Variants in ZNF16 observed in about 807,000 individuals in gnomAD.
ZNF16 encodes the protein zinc finger protein KOX9.
Under a neutral mutation model 9.0 loss-of-function variants are expected in ZNF16, and 7 were observed. That is an observed-to-expected ratio of 0.78 (90% CI 0.44 to 1.47). The LOEUF (loss-of-function observed/expected upper bound fraction) is 1.47, where lower values mean the gene tolerates loss of function less well. ZNF16 is among the 40% of genes most tolerant of loss of function. The probability of loss-of-function intolerance (pLI) is 0.01; values close to 1 mark genes in which losing one functional copy is unlikely to be tolerated. For missense variants in ZNF16, 830 were observed against 854.2 expected, an observed-to-expected ratio of 0.97 and a Z score of 0.35; for synonymous variants, 312 against 301.5, an observed-to-expected ratio of 1.03 and a Z score of -0.36.
At chr8:144,945,056 T>C (rs1389422889) in intron 2 of ZNF16, 2 of 152,164 alleles carry the variant, frequency 1.3e-5, no homozygotes, top group South Asian at 2.1e-4. Flanking sequence ...TAACAGGTCT[T>C]TTCTGAGCAC....
At chr8:144,941,975 GA>G (rs1325112405) in intron 2 of ZNF16, among the ~76,000 whole-genome samples, 6 of 120,854 alleles carry the variant, frequency 5.0e-5, no homozygotes, top group African/African-American at 1.4e-4. Flanking sequence ...CCATTTTTAA[GA>G]TTTTTTTTTT....
intron 2 of ZNF16, chr8:144,944,355 C>A (rs572101683): frequency 6.6e-6 from 1 of 152,208 alleles, no homozygotes; most frequent in Non-Finnish European, 1.5e-5. Flanking sequence ...CAGGCATGAG[C>A]CACCGTGGTG....
In ZNF16 at chr8:144,930,974, C is replaced by A; in HGVS notation, c.1813G>T (p.Glu605Ter). ...CTCTGGCTGAAGCCCTTACCACATT[C>A]AACACAGGTGTAGGGTTTTTCCCCA... Reference protein sequence around the residue: ...HTGEKPYTCVECGKGFSQSSH... With the variant: ...HTGEKPYTCV Residue 605 changes from glutamate to a stop codon, truncating the protein, a stop_gained, in exon 3 of 3, where the codon GAA becomes TAA. Transcript: ENST00000394909. LOFTEE classifies it high-confidence loss of function. The A allele has an allele frequency of 1.9e-6, 3 of 1,614,146 alleles. No homozygotes were observed. The highest frequency in any genetic ancestry group is 2.2e-5 in the South Asian group (2 of 91,080).
chr8:144,949,561 A>G (rs1055379449), intron 1 of ZNF16, among the ~76,000 whole-genome samples: 5 of 152,334 alleles, frequency 3.3e-5, no homozygotes, highest in South Asian at 2.1e-4. Flanking sequence ...GATGCTGTTA[A>G]TTTGTAACTT....
At chr8:144,942,131 C>T (rs929141243) in intron 2 of ZNF16, among the ~76,000 whole-genome samples, 5 of 150,724 alleles carry the variant, frequency 3.3e-5, no homozygotes, top group Non-Finnish European at 7.4e-5. Flanking sequence ...GTGCCCACCA[C>T]CTTGCCTGGC....
chr8:144,932,734 T>A lies in ZNF16; in HGVS notation c.197-144A>T. ...GGGTGGCAGTCCAGATCAGAGGGCA[T>A]CAGGGAGGGGTGGGAGGAGCACTGG... is the stretch of plus-strand genomic sequence containing the variant. On this transcript the variant is annotated intron_variant, in intron 2 of 2. Transcript: ENST00000394909. The surrounding 1 kb of genome is among the most constrained non-coding windows in gnomAD (Gnocchi z 5.0). 3 of 773,538 alleles carry A rather than the reference T, an allele frequency of 3.9e-6. No individual in the cohort carries two copies. Among genetic ancestry groups the A allele is most frequent in the Non-Finnish European group, 6.2e-6 (3 of 487,092 alleles). 47.9% of individuals were successfully genotyped at this position (773,538 alleles called of 1,614,324 possible). A position where few individuals can be genotyped will look rare whatever the true frequency, so the allele number is the denominator to read the frequency against.
rs762959497 is a variant in ZNF16 at position 144,932,086 on chromosome 8, T to C, written c.701A>G (p.Glu234Gly). The change falls in exon 3 of 3, where the codon GAG becomes GGG. Residue 234 changes from glutamate to glycine, a missense_variant. Transcript: ENST00000394909. The surrounding 1 kb of genome is among the most constrained non-coding windows in gnomAD (Gnocchi z 5.0). ...ACAATCATCACACATAAAGGAAGCC[T>C]CCCCAGTGTGGACTATTTGACGCTG... The part of the protein sequence containing the change: ...LIQRQIVHTG[E>G]ASFMCDDCGK... The C allele has an allele frequency of 5.6e-6, 9 of 1,614,124 alleles. No individual in the cohort carries two copies. In the East Asian group the frequency reaches 2.0e-4, roughly 36 times the overall value.
At chr8:144,945,839 C>A in intron 2 of ZNF16, 172 bp downstream of exon 2, 1 of 1,312,816 alleles carries the variant, frequency 7.6e-7, no homozygotes, top group Non-Finnish European at 1.0e-6. Flanking sequence ...GTGCCAGGGG[C>A]CAGGCTAGGT....
intron 2 of ZNF16, chr8:144,944,916 A>G (rs1350715326): frequency 6.6e-6 from 1 of 152,210 alleles, no homozygotes; most frequent in Non-Finnish European, 1.5e-5. Context: ...AACACAAAAC[A>G]CTTCTCCCAG....
intron 2 of ZNF16, among the ~76,000 whole-genome samples, chr8:144,942,635 C>T (rs566241237): frequency 2.6e-5 from 4 of 152,248 alleles, no homozygotes; most frequent in Admixed American, 1.3e-4. Context: ...TTGCAATGAA[C>T]GTTCTAACAT....
chr8:144,936,514 G>A (rs974481288), intron 2 of ZNF16, among the ~76,000 whole-genome samples: 1 of 152,168 alleles, frequency 6.6e-6, no homozygotes, highest in East Asian at 1.9e-4. Flanking sequence ...AGCCAGCGAT[G>A]TATGAGGATA....
In ZNF16 at chr8:144,932,552, T is replaced by C. The variant is rs770150011; in HGVS notation, c.235A>G (p.Lys79Glu). The C allele has an allele frequency of 6.2e-7, 1 of 1,614,066 alleles. No individual in the cohort carries two copies. The highest frequency in any genetic ancestry group is 1.7e-5 in the Admixed American group (1 of 60,002). The change falls in exon 3 of 3, where the codon AAG becomes GAG. Residue 79 changes from lysine (K) to glutamate (E), a missense_variant. Lys to Glu is a moderately conservative substitution (Grantham distance 56). Transcript: ENST00000394909. This position sits in a 1 kb window ranked among gnomAD's most constrained non-coding sequence, Gnocchi z 5.0. ...TRTEDKEFLH[K>E]EDIHEDLESQ... Reference sequence around the variant, plus strand: ...TCCAAATCTTCATGAATGTCTTCCTTGTGAAGAAACTCCTTGTCTTCAGTC... The same window carrying C: ...TCCAAATCTTCATGAATGTCTTCCTCGTGAAGAAACTCCTTGTCTTCAGTC...
intron 2 of ZNF16, among the ~76,000 whole-genome samples, chr8:144,937,137 CTCTCTCT>C (rs1440371350): frequency 8.8e-5 from 10 of 113,024 alleles, no homozygotes; most frequent in African/African-American, 1.3e-4. Flanking sequence ...CACTTTCTTT[CTCTCTCT>C]TTTTTTTTTT....
intron 1 of ZNF16, chr8:144,948,323 G>T (rs1259752169): frequency 6.6e-6 from 1 of 152,216 alleles, no homozygotes; most frequent in African/African-American, 2.4e-5. Flanking sequence ...CAGAGGAATG[G>T]TGGGAGATGA....
At position 144,946,254 on chromosome 8, in the gene ZNF16, G is replaced by C. The variant is rs552692565; in HGVS notation, c.-9-39C>G. 22 of 1,450,492 alleles carry C rather than the reference G, an allele frequency of 1.5e-5. No individual in the cohort carries two copies. In the African/African-American group the frequency reaches 3.0e-4, roughly 20 times the overall value. The allele number at this position is 1,450,492 out of a possible 1,614,324, so 89.9% of individuals were successfully genotyped here. A position where few individuals can be genotyped will look rare whatever the true frequency, so the allele number is the denominator to read the frequency against. On this transcript the variant is annotated intron_variant, in intron 1 of 2. Coordinates refer to ENST00000394909, the MANE Select transcript of ZNF16 (RefSeq NM_006958.3). The stretch of plus-strand genomic sequence containing the variant: ...AGAACACAGGTGAGTCTACAGACAG[G>C]CTAGCTCTAGGGATTCATCCTCCCA...
rs1229216222 is a variant in ZNF16, at chr8:144,932,369, C to A, written c.418G>T (p.Ala140Ser). Reference sequence around the variant, plus strand: ...AAGGGGCCCCTAAGGAGCCCCATGGCAGCTGGTGTGAAGTCCCCCTCCTGG... The same window carrying A: ...AAGGGGCCCCTAAGGAGCCCCATGGAAGCTGGTGTGAAGTCCCCCTCCTGG... The part of the protein sequence containing the change: ...LSQEGDFTPA[A>S]MGLLRGPLGE... Residue 140 changes from alanine (A) to serine (S), a missense_variant, in exon 3 of 3, where the codon GCC (alanine) becomes TCC (serine). Transcript: ENST00000394909. This position sits in a 1 kb window ranked among gnomAD's most constrained non-coding sequence, Gnocchi z 5.0. 6.2e-7 allele frequency: 1 copy of A among 1,614,158 alleles called. No homozygotes were observed. Among genetic ancestry groups the A allele is most frequent in the South Asian group, 1.1e-5 (1 of 91,082 alleles).
At position 144,942,078 on chromosome 8, in the gene ZNF16, C is replaced by G. The variant is rs369567991; in HGVS notation, c.196+3933G>C. ...TTGCAAGCTCCGTCTCCCGGGTTCACGCCATTCTCCTGCCTCAGCCTCCCA... is the reference window on the plus strand; with the variant it reads ...TTGCAAGCTCCGTCTCCCGGGTTCAGGCCATTCTCCTGCCTCAGCCTCCCA... On this transcript the variant is annotated intron_variant, in intron 2 of 2. Coordinates refer to ENST00000394909, the MANE Select transcript of ZNF16 (RefSeq NM_006958.3). Among the ~76,000 whole-genome samples the G allele has an allele frequency of 2.9e-5, 4 of 139,948 alleles. No homozygotes were observed. The East Asian group carries it at 6.5e-4, about 23-fold the overall frequency. The allele number at this position is 139,948 out of a possible 152,430, so 91.8% of individuals were successfully genotyped here. A position where few individuals can be genotyped will look rare whatever the true frequency, so the allele number is the denominator to read the frequency against.
chr8:144,941,667 A>AT (rs113061574), intron 2 of ZNF16, among the ~76,000 whole-genome samples: 5,692 of 142,108 alleles, frequency 0.04, 232 homozygotes, highest in African/African-American at 0.11. Flanking sequence ...TCTTGTGTCC[A>AT]TTTTTTTTTT....
At chr8:144,940,616 T>C (rs1040756193) in intron 2 of ZNF16, among the ~76,000 whole-genome samples, 1 of 152,278 alleles carries the variant, frequency 6.6e-6, no homozygotes, top group Non-Finnish European at 1.5e-5. Flanking sequence ...TTTTGTGGTC[T>C]AACATATGGT....
Sources: allele counts gnomAD v4.1 joint callset (sites outside exome capture counted in the v4.1 genomes callset), GRCh38; gene constraint gnomAD v4.1.1; non-coding constraint Gnocchi (gnomAD v3.1); transcripts MANE v1.5; gene names NCBI Gene and HGNC (gene_info 2026-07-23, HGNC 2026-07-21).